UQCC1: variants seen among roughly 807,000 people sequenced by gnomAD.
UQCC1 encodes the protein bFGF-repressed Zic-binding protein.
UQCC1 carries 38 observed loss-of-function variants against 48.0 expected under a neutral mutation model. That is an observed-to-expected ratio of 0.79 (90% CI 0.61 to 1.04). UQCC1 has a LOEUF of 1.04. UQCC1 is among the 50% of genes least tolerant of loss of function. The pLI is 0.00. For synonymous variants in UQCC1, 111 were observed against 129.2 expected (o/e 0.86, Z 0.95); for missense variants, 368 against 381.8 (o/e 0.96, Z 0.30).
At chr20:35,391,479 C>T (rs950868534) in intron 2 of UQCC1, among the ~76,000 whole-genome samples, 3 of 151,964 alleles carry the variant, frequency 2.0e-5, no homozygotes, top group Non-Finnish European at 2.9e-5. Context: ...CAAAAATCAG[C>T]CAGGTGTCAT....
At position 35,385,867 on chromosome 20, in the gene UQCC1, A is replaced by G. The variant is rs1389775243; in HGVS notation, c.130-1734T>C. 2.1e-5 allele frequency among the ~76,000 whole-genome samples: 3 copies of G among 145,254 alleles called. No individual in the cohort carries two copies. In the Admixed American group the frequency reaches 2.1e-4, roughly 10 times the overall value. On this transcript the variant is annotated intron_variant, in intron 2 of 9. Coordinates refer to ENST00000374385, the MANE Select transcript of UQCC1 (RefSeq NM_018244.5). ...GACTTTTTTTTTTTTTTTTAACAGC[A>G]GTTTTAGGCTCATAGCAAAACTTCC...
chr20:35,337,687 C>A (rs1307119034), intron 7 of UQCC1, among the ~76,000 whole-genome samples: 4 of 152,190 alleles, frequency 2.6e-5, no homozygotes, highest in Admixed American at 2.0e-4. Flanking sequence ...AAACTAAGTT[C>A]TTTCCTAAGT....
intron 1 of UQCC1, among the ~76,000 whole-genome samples, chr20:35,402,208 T>A (rs187898080): frequency 2.6e-5 from 4 of 152,082 alleles, no homozygotes; most frequent in Admixed American, 2.0e-4. Flanking sequence ...TTTGTGAGGC[T>A]GAGGTGGGTG....
intron 7 of UQCC1, among the ~76,000 whole-genome samples, chr20:35,338,892 A>AAAAAAAAAAAATATAT (rs1555805500): frequency 3.3e-5 from 1 of 30,560 alleles, no homozygotes; most frequent in Non-Finnish European, 4.8e-5. Flanking sequence ...AAAAAAAAAA[A>AAAAAAAAAAAATATAT]ATATATATAT....
chr20:35,304,537 C>T (rs1850361212), intron 9 of UQCC1: 1 of 183,700 alleles, frequency 5.4e-6, no homozygotes, highest in African/African-American at 2.3e-5. Context: ...TTTAAGTTCC[C>T]TTGTCTTGAG....
chr20:35,319,433 C>T (rs562778109), intron 7 of UQCC1, among the ~76,000 whole-genome samples: 1 of 152,238 alleles, frequency 6.6e-6, no homozygotes, highest in African/African-American at 2.4e-5. Context: ...ATAAATTATC[C>T]GTTCATTTTT....
At chr20:35,334,550 G>A (rs1247967720) in intron 7 of UQCC1, among the ~76,000 whole-genome samples, 1 of 152,122 alleles carries the variant, frequency 6.6e-6, no homozygotes, top group Non-Finnish European at 1.5e-5. Flanking sequence ...TTCCCAGCCT[G>A]TCTCGAGACT....
intron 7 of UQCC1, among the ~76,000 whole-genome samples, chr20:35,336,352 G>A (rs2061316375): frequency 6.6e-6 from 1 of 152,198 alleles, no homozygotes; most frequent in Admixed American, 6.5e-5. Context: ...GGCAAAAAAG[G>A]ATTTTGCAGC....
rs2061442072 is a variant in UQCC1, at chr20:35,347,292, A to G, written c.465-20T>C. On this transcript the variant is annotated intron_variant, in intron 6 of 9. Coordinates refer to ENST00000374385, the MANE Select transcript of UQCC1 (RefSeq NM_018244.5). ...CACATCCTGGGTGGGAAGAAGACAA[A>G]AAAAGTCTTGGCTGTTTGCATTTTT... 1 of 1,612,502 alleles carries G rather than the reference A, an allele frequency of 6.2e-7. No individual in the cohort carries two copies. Among genetic ancestry groups the G allele is most frequent in the African/African-American group, 1.3e-5 (1 of 74,924 alleles).
At chr20:35,367,106 AAAAC>A (rs1209883301) in intron 5 of UQCC1, among the ~76,000 whole-genome samples, 1 of 150,448 alleles carries the variant, frequency 6.6e-6, no homozygotes, top group Non-Finnish European at 1.5e-5. Context: ...AAAAAAAAAA[AAAAC>A]AAACAAAAAA....
intron 6 of UQCC1, among the ~76,000 whole-genome samples, chr20:35,364,130 A>G (rs1160000072): frequency 6.6e-6 from 1 of 152,208 alleles, no homozygotes; most frequent in Non-Finnish European, 1.5e-5. Context: ...ATGTTCTTGT[A>G]CACATTCTAT....
chr20:35,333,475 C>T (rs959022520), intron 7 of UQCC1, among the ~76,000 whole-genome samples: 51 of 152,250 alleles, frequency 3.3e-4, no homozygotes, highest in African/African-American at 1.2e-3. Flanking sequence ...AAAAGGAAAG[C>T]GGGACTGCTA....
chr20:35,310,252 T>C (rs974119408), intron 8 of UQCC1, among the ~76,000 whole-genome samples: 14 of 152,130 alleles, frequency 9.2e-5, no homozygotes, highest in Admixed American at 4.6e-4. Flanking sequence ...ACCTGTTAAA[T>C]GGATAATGAA....
intron 8 of UQCC1, among the ~76,000 whole-genome samples, chr20:35,312,025 G>A (rs1057449171): frequency 1.3e-5 from 2 of 152,106 alleles, no homozygotes; most frequent in East Asian, 1.9e-4. Flanking sequence ...ATGGGGGACC[G>A]GAAACAAACA....
At chr20:35,321,446 C>A (rs186235901) in intron 7 of UQCC1, among the ~76,000 whole-genome samples, 1 of 152,072 alleles carries the variant, frequency 6.6e-6, no homozygotes, top group Non-Finnish European at 1.5e-5. Flanking sequence ...GTTCCCGTTG[C>A]GATGAAAGGC....
At chr20:35,347,342 TCTC>T in intron 6 of UQCC1, 70 bp from the exon 7 acceptor site, 1 of 1,580,352 alleles carries the variant, frequency 6.3e-7, no homozygotes, top group Non-Finnish European at 8.7e-7. Context: ...CCACTGAAGG[TCTC>T]CTCATCTAAG....
intron 2 of UQCC1, among the ~76,000 whole-genome samples, chr20:35,384,960 C>T (rs147466882): frequency 0.012 from 1,018 of 86,206 alleles, 16 homozygotes; most frequent in African/African-American, 0.044. Flanking sequence ...CAGCAAGAAT[C>T]GGTCTCAAAA....
chr20:35,394,271 G>A, intron 1 of UQCC1, 75 bp from the exon 2 acceptor site: 1 of 1,243,746 alleles, frequency 8.0e-7, no homozygotes, highest in Non-Finnish European at 1.2e-6. Flanking sequence ...GTGTACCTGT[G>A]ATACTGTAAT....
chr20:35,353,969 T>A (rs1489726142), intron 6 of UQCC1, among the ~76,000 whole-genome samples: 1 of 152,230 alleles, frequency 6.6e-6, no homozygotes, highest in Admixed American at 6.5e-5. Flanking sequence ...GTACTTTTTG[T>A]ATGTTTAGAT....
Sources: gnomAD v4.1 joint callset for allele counts (sites outside exome capture counted in the v4.1 genomes callset) on GRCh38, gnomAD v4.1.1 for gene constraint, MANE v1.5 for transcripts, NCBI Gene and HGNC (gene_info 2026-07-23, HGNC 2026-07-21) for gene names.